SLC2A12: variants seen among roughly 807,000 people sequenced by gnomAD.
The protein encoded by SLC2A12 is solute carrier family 2, facilitated glucose transporter member 12.
A neutral mutation model predicts 41.8 loss-of-function variants in SLC2A12; 23 were observed. That is an observed-to-expected ratio of 0.55 (90% CI 0.40 to 0.78). SLC2A12 has a LOEUF of 0.78. SLC2A12 is among the 30% of genes least tolerant of loss of function. The pLI is 0.00. For missense variants in SLC2A12, 654 were observed against 745.6 expected, an observed-to-expected ratio of 0.88 and a Z score of 1.43; for synonymous variants, 295 against 285.9, an observed-to-expected ratio of 1.03 and a Z score of -0.32.
At chr6:134,035,779 T>A (rs1360630659) in intron 1 of SLC2A12, among the ~76,000 whole-genome samples, 1 of 152,214 alleles carries the variant, frequency 6.6e-6, no homozygotes, top group Non-Finnish European at 1.5e-5. Flanking sequence ...ATCTCCAGTT[T>A]GCCTTTTGAT....
intron 4 of SLC2A12, among the ~76,000 whole-genome samples, chr6:133,996,275 CT>C (rs1379868131): frequency 1.3e-5 from 2 of 152,208 alleles, no homozygotes; most frequent in Non-Finnish European, 2.9e-5. Context: ...AACTTGTTTG[CT>C]TTCTCCATTT....
intron 1 of SLC2A12, among the ~76,000 whole-genome samples, chr6:134,033,696 GC>G (rs1408002437): frequency 6.6e-6 from 1 of 152,150 alleles, no homozygotes; most frequent in East Asian, 1.9e-4. Flanking sequence ...TGCTTTAATA[GC>G]AGAAGAAGAT....
At chr6:133,999,760 C>T (rs774384914) in intron 4 of SLC2A12, among the ~76,000 whole-genome samples, 2 of 152,162 alleles carry the variant, frequency 1.3e-5, no homozygotes, top group African/African-American at 2.4e-5. Flanking sequence ...CCAGCCAAAC[C>T]AAAGAATCAT....
chr6:134,008,186 C>T (rs73550553), intron 2 of SLC2A12, among the ~76,000 whole-genome samples: 2,543 of 152,246 alleles, frequency 0.017, 21 homozygotes, highest in Middle Eastern at 0.031. Flanking sequence ...GGCCAGCAAC[C>T]ACCTGGGCTG....
intron 1 of SLC2A12, among the ~76,000 whole-genome samples, chr6:134,044,272 C>G (rs1777425289): frequency 6.6e-6 from 1 of 152,206 alleles, no homozygotes; most frequent in Non-Finnish European, 1.5e-5. Flanking sequence ...CAGTAAGCAC[C>G]TGCACTGTGA....
rs573898724 is a variant in SLC2A12 at position 133,987,732 on chromosome 6, T to G, written c.*3423A>C. The G allele has an allele frequency of 2.0e-5, 3 of 152,220 alleles. No homozygotes were observed. In the South Asian group the frequency reaches 6.2e-4, roughly 32 times the overall value. 9.4% of individuals were successfully genotyped at this position (152,220 alleles called of 1,614,324 possible). A position where few individuals can be genotyped will look rare whatever the true frequency, so the allele number is the denominator to read the frequency against. On this transcript the variant is annotated 3_prime_UTR_variant, in exon 5 of 5. Coordinates refer to ENST00000275230, the MANE Select transcript of SLC2A12 (RefSeq NM_145176.3). ...AAATAACAAATAGGAATTTTTTTTC[T>G]TGCAGATTAGAAATAAAAACGTGTA... is the stretch of plus-strand genomic sequence containing the variant.
chr6:134,052,272 C>CACACACAG, intron 1 of SLC2A12, 106 bp downstream of exon 1: 1 of 844,578 alleles, frequency 1.2e-6, no homozygotes, highest in Non-Finnish European at 1.8e-6. Context: ...CACACACACA[C>CACACACAG]ACACACACAC....
chr6:134,052,296 C>CACACACACACACACACA, intron 1 of SLC2A12, 82 bp downstream of exon 1: 1 of 1,119,670 alleles, frequency 8.9e-7, no homozygotes, highest in South Asian at 1.4e-5. Flanking sequence ...CACACACACA[C>CACACACACACACACACA]GGGACTCAAG....
chr6:134,031,771 G>A (rs1777211481), intron 1 of SLC2A12, among the ~76,000 whole-genome samples: 1 of 152,182 alleles, frequency 6.6e-6, no homozygotes, highest in South Asian at 2.1e-4. Context: ...AGGGGATTGG[G>A]TATACAGATT....
intron 4 of SLC2A12, among the ~76,000 whole-genome samples, chr6:133,992,190 C>T (rs535031784): frequency 2.6e-5 from 4 of 152,082 alleles, no homozygotes; most frequent in Admixed American, 1.3e-4. Flanking sequence ...TGCGTGTGTG[C>T]GTGATGATAA....
chr6:134,028,907 C>T lies in SLC2A12; in HGVS notation c.918G>A (p.Lys306=). 6.2e-7 allele frequency: 1 copy of T among 1,614,238 alleles called. No homozygotes were observed. Among genetic ancestry groups the T allele is most frequent in the Non-Finnish European group, 8.5e-7 (1 of 1,180,040 alleles). ...CCTCATTGCTTTGAAATCCAACTGA[C>T]TTCAAAACAGTTGATGCATAGAACA... ...NILFYASTVL[K]SVGFQSNEAA... is the part of the protein sequence containing the mutation. The change falls in exon 2 of 5, where the codon AAG becomes AAA. Residue 306 remains lysine, a synonymous_variant. Transcript: ENST00000275230.
chr6:133,993,687 T>A (rs970602335), intron 4 of SLC2A12, among the ~76,000 whole-genome samples: 1 of 152,086 alleles, frequency 6.6e-6, no homozygotes, highest in South Asian at 2.1e-4. Flanking sequence ...GGGTGCAGAG[T>A]TGGCTACACA....
chr6:134,025,288 C>T (rs1463842860), intron 2 of SLC2A12, among the ~76,000 whole-genome samples: 2 of 152,124 alleles, frequency 1.3e-5, no homozygotes, highest in Non-Finnish European at 2.9e-5. Flanking sequence ...GAAGATAAAA[C>T]ATGTTTTCAT....
chr6:134,027,355 T>C (rs191393688), intron 2 of SLC2A12, among the ~76,000 whole-genome samples: 1 of 152,330 alleles, frequency 6.6e-6, no homozygotes, highest in East Asian at 1.9e-4. Flanking sequence ...GCATAGCCTA[T>C]ACCTTCTTAT....
At chr6:134,018,764 C>A (rs201024588) in intron 2 of SLC2A12, among the ~76,000 whole-genome samples, 1 of 125,306 alleles carries the variant, frequency 8.0e-6, no homozygotes, top group Non-Finnish European at 1.7e-5. Flanking sequence ...TTTTTTTTTT[C>A]TTTTCGTCTG....
intron 1 of SLC2A12, among the ~76,000 whole-genome samples, chr6:134,041,937 G>GC (rs1340152496): frequency 6.6e-6 from 1 of 152,138 alleles, no homozygotes; most frequent in Non-Finnish European, 1.5e-5. Context: ...GCCTTGGTGA[G>GC]CCATGGACAT....
At chr6:134,050,941 T>G (rs948811439) in intron 1 of SLC2A12, among the ~76,000 whole-genome samples, 8 of 152,006 alleles carry the variant, frequency 5.3e-5, no homozygotes, top group Non-Finnish European at 7.4e-5. Flanking sequence ...TTATTATTAT[T>G]ATGTTAGACA....
rs377759330 is a variant in SLC2A12, at chr6:134,044,266, A to G, written c.103+8112T>C. 3.3e-5 allele frequency among the ~76,000 whole-genome samples: 5 copies of G among 152,308 alleles called. No homozygotes were observed. The East Asian group carries it at 7.7e-4, about 23-fold the overall frequency. ...TCATCGCTCTCCACTAATTGGCAGT[A>G]AGCACCTGCACTGTGAGGATGCCTT... On this transcript the variant is annotated intron_variant, in intron 1 of 4. Transcript: ENST00000275230.
At chr6:134,043,997 GA>G (rs1232991433) in intron 1 of SLC2A12, among the ~76,000 whole-genome samples, 1 of 151,878 alleles carries the variant, frequency 6.6e-6, no homozygotes, top group Non-Finnish European at 1.5e-5. Flanking sequence ...CCAGAATTCC[GA>G]AGTATTGGAA....
Sources: allele counts gnomAD v4.1 joint callset (sites outside exome capture counted in the v4.1 genomes callset), GRCh38; gene constraint gnomAD v4.1.1; transcripts MANE v1.5; gene names NCBI Gene and HGNC (gene_info 2026-07-23, HGNC 2026-07-21).